The following CFDP1 variants were observed in gnomAD, a reference collection of about 807,000 sequenced individuals.
CFDP1 encodes the protein heterochromatin-stabilizing protein CFDP1.
Under a neutral mutation model 40.1 loss-of-function variants are expected in CFDP1, and 31 were observed. The observed-to-expected ratio is 0.77, with a 90% CI of 0.58 to 1.04. CFDP1 has a LOEUF of 1.04. CFDP1 is among the 50% of genes least tolerant of loss of function. The pLI, the probability that CFDP1 is intolerant of heterozygous loss-of-function variation, is 0.00. For missense variants in CFDP1, 423 were observed against 343.4 expected, an observed-to-expected ratio of 1.23 and a Z score of -1.83; for synonymous variants, 167 against 120.0, an observed-to-expected ratio of 1.39 and a Z score of -2.56.
chr16:75,377,465 C>G (rs988134371), intron 5 of CFDP1, among the ~76,000 whole-genome samples: 3 of 152,194 alleles, frequency 2.0e-5, no homozygotes, highest in Admixed American at 6.5e-5. Context: ...AAATCCTGCT[C>G]TATTTATAAC....
In CFDP1 at chr16:75,357,985, T is replaced by C. The variant is rs117181050; in HGVS notation, c.650+37105A>G. On this transcript the variant is annotated intron_variant, in intron 5 of 6. Transcript: ENST00000283882. ...TTTTACTTGAACACTTAGAGGTCAC[T>C]GTAGGGTTACTAACTAGCCTAATTT... Among the ~76,000 whole-genome samples, 985 of 152,330 alleles carry C rather than the reference T, an allele frequency of 6.5e-3. 8 individuals are homozygous for C. Among genetic ancestry groups the C allele is most frequent in the Middle Eastern group, 0.017 (5 of 294 alleles).
intron 5 of CFDP1, among the ~76,000 whole-genome samples, chr16:75,369,793 C>T (rs956077124): frequency 1.3e-5 from 2 of 152,152 alleles, no homozygotes; most frequent in African/African-American, 4.8e-5. Flanking sequence ...CACTGTGTCA[C>T]CCAGGCTGGA....
chr16:75,387,469 G>A (rs2078908742), intron 5 of CFDP1, among the ~76,000 whole-genome samples: 1 of 152,136 alleles, frequency 6.6e-6, no homozygotes, highest in South Asian at 2.1e-4. Flanking sequence ...CACAAACCAT[G>A]TCATTCTGGA....
At chr16:75,320,732 T>A (rs944988454) in intron 5 of CFDP1, among the ~76,000 whole-genome samples, 1 of 152,200 alleles carries the variant, frequency 6.6e-6, no homozygotes, top group African/African-American at 2.4e-5. Flanking sequence ...TTCTCACTGT[T>A]CAGATGAAGG....
chr16:75,361,337 C>T (rs2078678106), intron 5 of CFDP1, among the ~76,000 whole-genome samples: 1 of 152,128 alleles, frequency 6.6e-6, no homozygotes, highest in South Asian at 2.1e-4. Flanking sequence ...AAATTTAAAG[C>T]CGGGCGCGGT....
intron 4 of CFDP1, among the ~76,000 whole-genome samples, chr16:75,397,803 C>CA (rs973568368): frequency 1.3e-4 from 20 of 151,060 alleles, no homozygotes; most frequent in South Asian, 2.1e-4. Flanking sequence ...GACTCCGTCT[C>CA]AAAAAATAAA....
At chr16:75,375,170 CA>C (rs1384373700) in intron 5 of CFDP1, among the ~76,000 whole-genome samples, 2 of 151,658 alleles carry the variant, frequency 1.3e-5, no homozygotes, top group Non-Finnish European at 2.9e-5. Context: ...ACCTTATAGG[CA>C]GATTTCTTAG....
intron 5 of CFDP1, chr16:75,379,675 T>C (rs558026078): frequency 6.6e-6 from 1 of 152,292 alleles, no homozygotes; most frequent in African/African-American, 2.4e-5. Context: ...GAAAATGTTC[T>C]GTATCTTGAC....
chr16:75,397,313 G>A (rs1321574186), intron 4 of CFDP1, among the ~76,000 whole-genome samples: 4 of 151,494 alleles, frequency 2.6e-5, no homozygotes, highest in Admixed American at 6.6e-5. Flanking sequence ...TCAGGAGTTC[G>A]AGACCAGCCT....
chr16:75,306,516 G>GTCACACCCCAGTACATGCTGAGCTTAT (rs2078258298), intron 5 of CFDP1: 1 of 152,188 alleles, frequency 6.6e-6, no homozygotes, highest in Non-Finnish European at 1.5e-5. Flanking sequence ...CCCTGTTTGG[G>GTCACACCCCAGTACATGCTGAGCTTAT]TCACACCCCA....
intron 1 of CFDP1, among the ~76,000 whole-genome samples, chr16:75,431,906 GCTAA>G (rs1301918342): frequency 2.9e-5 from 4 of 139,518 alleles, no homozygotes; most frequent in Non-Finnish European, 4.6e-5. Flanking sequence ...GATGGGACTG[GCTAA>G]CTTTTTTTTT....
rs367957389 is a variant in CFDP1, at chr16:75,297,570, C to CTT, written c.810-3530_810-3529dup. 1.8e-3 allele frequency among the ~76,000 whole-genome samples: 280 copies of CTT among 152,272 alleles called. 1 individual carries two copies. The highest frequency in any genetic ancestry group is 6.6e-3 in the African/African-American group (275 of 41,552). On this transcript the variant is annotated intron_variant, in intron 6 of 6. Coordinates refer to ENST00000283882, the MANE Select transcript of CFDP1 (RefSeq NM_006324.3). Reference sequence around the variant, plus strand: ...CTCTTGCTCTTGATGTGTCCGGGTGCTTTTCTGGCCTGTGCGCAGCCCTTT... The same window carrying CTT: ...CTCTTGCTCTTGATGTGTCCGGGTGCTTTTTTCTGGCCTGTGCGCAGCCCTTT...
intron 5 of CFDP1, among the ~76,000 whole-genome samples, chr16:75,305,726 G>T (rs2078252312): frequency 6.6e-6 from 1 of 152,158 alleles, no homozygotes; most frequent in South Asian, 2.1e-4. Context: ...AGCCCCAGGG[G>T]GTTCTTTTAA....
chr16:75,297,315 C>A (rs960241197), intron 6 of CFDP1, among the ~76,000 whole-genome samples: 1 of 152,102 alleles, frequency 6.6e-6, no homozygotes, highest in African/African-American at 2.4e-5. Context: ...CCACTCTGCC[C>A]GGTCTTGCTT....
intron 4 of CFDP1, among the ~76,000 whole-genome samples, chr16:75,402,308 G>A (rs1411932040): frequency 1.3e-5 from 2 of 152,160 alleles, no homozygotes; most frequent in Non-Finnish European, 2.9e-5. Flanking sequence ...ATTTTCACTT[G>A]CTCAGAACTT....
At chr16:75,398,009 A>G (rs1253399105) in intron 4 of CFDP1, among the ~76,000 whole-genome samples, 1 of 152,176 alleles carries the variant, frequency 6.6e-6, no homozygotes, top group African/African-American at 2.4e-5. Flanking sequence ...ATACACCTCA[A>G]CTGGCTGCTG....
intron 2 of CFDP1, 82 bp from the exon 3 acceptor site, chr16:75,412,836 T>C (rs553342265): frequency 2.7e-6 from 3 of 1,105,748 alleles, no homozygotes; most frequent in East Asian, 4.7e-5. Flanking sequence ...AAAGGTAATC[T>C]TATAAACCCA....
At chr16:75,397,007 G>A (rs1474336599) in intron 4 of CFDP1, among the ~76,000 whole-genome samples, 1 of 151,912 alleles carries the variant, frequency 6.6e-6, no homozygotes, top group East Asian at 2.0e-4. Flanking sequence ...TCTGCCTCCT[G>A]GGTTCATGCC....
chr16:75,423,705 G>A (rs576754655), intron 1 of CFDP1, among the ~76,000 whole-genome samples: 35 of 152,050 alleles, frequency 2.3e-4, no homozygotes, highest in African/African-American at 7.2e-4. Flanking sequence ...TAGTTGAGAC[G>A]GGGTTTCACC....
Sources: allele counts gnomAD v4.1 joint callset (sites outside exome capture counted in the v4.1 genomes callset), GRCh38; gene constraint gnomAD v4.1.1; transcripts MANE v1.5; gene names NCBI Gene and HGNC (gene_info 2026-07-23, HGNC 2026-07-21).